Variants in DNAH6 observed in about 807,000 individuals in gnomAD.
DNAH6 encodes the protein dynein axonemal heavy chain 6.
A neutral mutation model predicts 491.4 loss-of-function variants in DNAH6; 340 were observed. That is an observed-to-expected ratio of 0.69 (90% CI 0.63 to 0.76). The LOEUF is 0.76. DNAH6 is among the 30% of genes least tolerant of loss of function. DNAH6 has a pLI of 0.00. For missense variants in DNAH6, 4,443 were observed against 4,972.2 expected (o/e 0.89, Z 3.20); for synonymous variants, 1,603 against 1,686.1 (o/e 0.95, Z 1.21).
intron 50 of DNAH6, 65 bp from the exon 51 acceptor site, chr2:84,704,002 G>T: frequency 8.0e-7 from 1 of 1,245,924 alleles, no homozygotes; most frequent in Non-Finnish European, 1.1e-6. Flanking sequence ...ACTATTATTG[G>T]CTTTGTTTTG....
intron 59 of DNAH6, among the ~76,000 whole-genome samples, chr2:84,721,624 A>G (rs1307341101): frequency 6.6e-6 from 1 of 152,224 alleles, no homozygotes; most frequent in Non-Finnish European, 1.5e-5. Flanking sequence ...TATGTGGATT[A>G]TATGTTGATA....
At chr2:84,632,574 G>T (rs1240934085) in intron 29 of DNAH6, among the ~76,000 whole-genome samples, 1 of 152,130 alleles carries the variant, frequency 6.6e-6, no homozygotes, top group African/African-American at 2.4e-5. Flanking sequence ...AAGTCTCCAC[G>T]TATGCCAGGA....
At chr2:84,480,645 C>T in the DNAH6 span, among the ~76,000 whole-genome samples, 1 of 152,188 alleles carries the variant, frequency 6.6e-6, no homozygotes, top group Non-Finnish European at 1.5e-5. Context: ...TGCAAGCCTT[C>T]AGACATAGCT....
chr2:84,676,009 A>T (rs907438749), intron 40 of DNAH6, among the ~76,000 whole-genome samples: 1 of 152,216 alleles, frequency 6.6e-6, no homozygotes, highest in Non-Finnish European at 1.5e-5. Flanking sequence ...AATAGGTGGC[A>T]TGTTCTCTCC....
At chr2:84,617,017 T>C in intron 23 of DNAH6, 35 bp downstream of exon 23, 6 of 1,144,032 alleles carry the variant, frequency 5.2e-6, no homozygotes, top group Non-Finnish European at 7.4e-6. Context: ...TATTTTTTAG[T>C]AGTTATGACT....
chr2:84,602,030 A>C (rs750298316), intron 18 of DNAH6, among the ~76,000 whole-genome samples: 32 of 152,124 alleles, frequency 2.1e-4, no homozygotes, highest in Non-Finnish European at 3.8e-4. Context: ...TCCTCCATAC[A>C]TTCTTTGTGC....
At chr2:84,748,233 A>G (rs1166126986) in intron 63 of DNAH6, among the ~76,000 whole-genome samples, 1 of 152,084 alleles carries the variant, frequency 6.6e-6, no homozygotes, top group Non-Finnish European at 1.5e-5. Context: ...CTTCCCTACC[A>G]CATAAGCACG....
chr2:84,665,439 A>G (rs150296175), intron 37 of DNAH6, among the ~76,000 whole-genome samples: 116,841 of 152,090 alleles, frequency 0.77, 47,106 homozygotes, highest in East Asian at 0.93. Flanking sequence ...TCCCACAGAA[A>G]TACAAACTAC....
intron 21 of DNAH6, among the ~76,000 whole-genome samples, chr2:84,610,002 G>C (rs1041735825): frequency 5.9e-5 from 9 of 152,058 alleles, no homozygotes; most frequent in Non-Finnish European, 1.2e-4. Context: ...TGGTTTAACT[G>C]AGGCCTCTTG....
Position 84,604,132 on chromosome 2 carries a change from T to A in DNAH6, c.2869-207T>A, listed in dbSNP as rs1357071922. Among the ~76,000 whole-genome samples the A allele has an allele frequency of 2.6e-5, 4 of 152,176 alleles. No individual in the cohort carries two copies. The South Asian group carries it at 8.3e-4, about 32-fold the overall frequency. ...CTGTCGGTATCAATCTCTCTCCAAA[T>A]TTGGAGTTTGTTCTGCCCCCGCAAA... On this transcript the variant is annotated intron_variant, in intron 18 of 76. Coordinates refer to ENST00000389394, the MANE Select transcript of DNAH6 (RefSeq NM_001370.2).
At chr2:84,460,461 C>A in the DNAH6 span, among the ~76,000 whole-genome samples, 7 of 152,086 alleles carry the variant, frequency 4.6e-5, no homozygotes, top group African/African-American at 1.7e-4. Context: ...CAAAATTATT[C>A]CTGAGCTGTC....
At chr2:84,469,498 T>C in the DNAH6 span, among the ~76,000 whole-genome samples, 1 of 152,164 alleles carries the variant, frequency 6.6e-6, no homozygotes, top group African/African-American at 2.4e-5. The surrounding 1 kb of genome is among the most constrained non-coding windows in gnomAD (Gnocchi z 4.0). Context: ...ATGTGGTCTC[T>C]GGGCAAGATG....
chr2:84,623,289 A>G (rs1006383320), intron 26 of DNAH6, among the ~76,000 whole-genome samples: 2 of 152,182 alleles, frequency 1.3e-5, no homozygotes, highest in Non-Finnish European at 1.5e-5. Context: ...GGAAACAATC[A>G]ACAGAGTGAA....
At chr2:84,704,656 G>A (rs1489660444) in intron 51 of DNAH6, among the ~76,000 whole-genome samples, 1 of 152,224 alleles carries the variant, frequency 6.6e-6, no homozygotes, top group Admixed American at 6.5e-5. Flanking sequence ...CAGTTGGATA[G>A]TGGGACCATA....
At chr2:84,709,686 T>C in intron 55 of DNAH6, 140 bp downstream of exon 55, 1 of 958,258 alleles carries the variant, frequency 1.0e-6, no homozygotes, top group East Asian at 2.6e-5. Context: ...GAAGAGAGTG[T>C]TAAAGTCCTA....
chr2:84,786,177 A>G (rs959089706), intron 67 of DNAH6, among the ~76,000 whole-genome samples: 8 of 152,130 alleles, frequency 5.3e-5, no homozygotes, highest in African/African-American at 1.9e-4. Flanking sequence ...TGTAATCCCA[A>G]CATTTTGGGA....
In DNAH6 at chr2:84,784,817, T is replaced by A; in HGVS notation, c.10953+7T>A. 2.0e-6 allele frequency: 3 copies of A among 1,516,990 alleles called. No individual in the cohort carries two copies. The highest frequency in any genetic ancestry group is 2.7e-6 in the Non-Finnish European group (3 of 1,115,774). 94.0% of individuals were successfully genotyped at this position (1,516,990 alleles called of 1,614,324 possible). ...TCTTCAAAATTCTGTCAAGGTAATG[T>A]ATGCATATGGTTGGAACAATGTGAA... On this transcript the variant is annotated splice_region_variant and intron_variant, in intron 66 of 76. Coordinates refer to ENST00000389394, the MANE Select transcript of DNAH6 (RefSeq NM_001370.2).
chr2:84,549,884 TCAAG>T lies in DNAH6; in HGVS notation c.1317-3_1317del. ...GAAATTGTATTAGTTTTTTTTCTTT[TCAAG>T]CTTTATTCGTCTAAACGACTATCTA... On this transcript the variant is annotated splice_acceptor_variant and splice_polypyrimidine_tract_variant and intron_variant, in intron 8 of 76. Transcript: ENST00000389394. LOFTEE classifies it high-confidence loss of function. 6.3e-7 allele frequency: 1 copy of T among 1,579,274 alleles called. No individual in the cohort carries two copies. The highest frequency in any genetic ancestry group is 1.8e-5 in the Admixed American group (1 of 54,540).
At chr2:84,773,525 A>C (rs1292462374) in intron 64 of DNAH6, among the ~76,000 whole-genome samples, 1 of 152,068 alleles carries the variant, frequency 6.6e-6, no homozygotes, top group Non-Finnish European at 1.5e-5. Context: ...TATTGTGAAT[A>C]CTGCAAGTGC....
Sources: allele counts gnomAD v4.1 joint callset (sites outside exome capture counted in the v4.1 genomes callset), GRCh38; gene constraint gnomAD v4.1.1; non-coding constraint Gnocchi (gnomAD v3.1); transcripts MANE v1.5; gene names NCBI Gene and HGNC (gene_info 2026-07-23, HGNC 2026-07-21).